The following MYLK variants were observed in gnomAD, a reference collection of about 807,000 sequenced individuals.
MYLK encodes the protein myosin light chain kinase, smooth muscle.
MYLK carries 106 observed loss-of-function variants against 203.4 expected under a neutral mutation model. The ratio of observed to expected loss-of-function variants is 0.52; its 90% confidence interval spans 0.45 to 0.61. The LOEUF is 0.61. Among genes scored for constraint, MYLK ranks in the 20% least tolerant of loss-of-function variants. The pLI, the probability that MYLK is intolerant of heterozygous loss-of-function variation, is 0.00. For missense variants in MYLK, 2,072 were observed against 2,442.3 expected, an observed-to-expected ratio of 0.85 and a Z score of 3.20; for synonymous variants, 867 against 959.5, an observed-to-expected ratio of 0.90 and a Z score of 1.78.
At chr3:123,827,700 T>C (rs2066170732) in intron 3 of MYLK, among the ~76,000 whole-genome samples, 1 of 10,690 alleles carries the variant, frequency 9.4e-5, no homozygotes, top group Non-Finnish European at 1.6e-4. Context: ...ACACCATATA[T>C]ATATATATAT....
At chr3:123,668,847 C>T (rs1489779159) in intron 20 of MYLK, among the ~76,000 whole-genome samples, 2 of 152,150 alleles carry the variant, frequency 1.3e-5, no homozygotes, top group African/African-American at 2.4e-5. Flanking sequence ...TACTGTCTGC[C>T]CTTCTCCTCC....
intron 23 of MYLK, among the ~76,000 whole-genome samples, chr3:123,663,643 G>A (rs1418280221): frequency 6.6e-6 from 1 of 152,114 alleles, no homozygotes; most frequent in Non-Finnish European, 1.5e-5. Flanking sequence ...AGGACCTGGG[G>A]TCCAGAGCAC....
intron 19 of MYLK, among the ~76,000 whole-genome samples, chr3:123,686,773 G>A (rs1301282406): frequency 6.6e-6 from 1 of 152,120 alleles, no homozygotes; most frequent in East Asian, 1.9e-4. Flanking sequence ...ACATTTACTG[G>A]GTATTGACTC....
At chr3:123,684,251 C>T (rs954352989) in intron 19 of MYLK, among the ~76,000 whole-genome samples, 23 of 152,168 alleles carry the variant, frequency 1.5e-4, no homozygotes, top group African/African-American at 5.1e-4. Context: ...GGTCTGGGCA[C>T]GATATGATCC....
Position 123,726,060 on chromosome 3 carries a change from A to G in MYLK, c.1535T>C (p.Val512Ala). 3.1e-6 allele frequency: 5 copies of G among 1,614,082 alleles called. No homozygotes were observed. The South Asian group carries it at 4.4e-5, about 14-fold the overall frequency. Residue 512 changes from valine (V) to alanine (A), a missense_variant, in exon 12 of 34, where the codon GTG (valine) becomes GCG (alanine). Physicochemically the swap from Val to Ala is moderately conservative, Grantham distance 64. Around this residue, in one of 3 missense-constraint regions of MYLK, gnomAD observed 683 missense variants for 643.8 expected, o/e 1.06. Coordinates refer to ENST00000360304, the MANE Select transcript of MYLK (RefSeq NM_053025.4). ...CAGGACACTGGAGAAGGAGGGGGCCACCTCCATCACGGCAAGCCCTGTGAG... is the reference window on the plus strand; with the variant it reads ...CAGGACACTGGAGAAGGAGGGGGCCGCCTCCATCACGGCAAGCCCTGTGAG... ...LQVERLAVME[V>A]APSFSSVLKD...
At chr3:123,647,871 G>T (rs1283480423) in intron 26 of MYLK, among the ~76,000 whole-genome samples, 1 of 152,074 alleles carries the variant, frequency 6.6e-6, no homozygotes, top group Non-Finnish European at 1.5e-5. Context: ...CATTTCTAAT[G>T]TTGACAAGCC....
In MYLK at chr3:123,881,836, C is replaced by A. The variant is rs190873825; in HGVS notation, c.-186+2370G>T. 1.2e-3 allele frequency among the ~76,000 whole-genome samples: 190 copies of A among 152,292 alleles called. 1 individual carries two copies. Among genetic ancestry groups the A allele is most frequent in the Admixed American group, 3.3e-3 (50 of 15,296 alleles). ...GATCTCCCTAGCCAGAGACCCAGAA[C>A]CTTTCCCCACCCTTGGAACTCAAAG... On this transcript the variant is annotated intron_variant, in intron 1 of 33. Transcript: ENST00000360304.
In MYLK at chr3:123,680,441, G is replaced by A. The variant is rs546456533; in HGVS notation, c.3652+1783C>T. Among the ~76,000 whole-genome samples, 11 of 152,232 alleles carry A rather than the reference G, an allele frequency of 7.2e-5. No individual in the cohort carries two copies. The East Asian group carries it at 7.7e-4, about 11-fold the overall frequency. On this transcript the variant is annotated intron_variant, in intron 20 of 33. Coordinates refer to ENST00000360304, the MANE Select transcript of MYLK (RefSeq NM_053025.4). ...TACATTCTCTATCTCTTCTGCTCAC[G>A]GTTTTCCATACCAAGTATAGCACAG...
chr3:123,737,591 C>G (rs2062722627), intron 7 of MYLK, 48 bp from the exon 8 acceptor site: 2 of 1,610,614 alleles, frequency 1.2e-6, no homozygotes, highest in African/African-American at 1.3e-5. Context: ...TGCTCACCTT[C>G]TGGCTGTGTC....
chr3:123,732,898 T>C lies in MYLK; in HGVS notation c.1514A>G (p.Glu505Gly). 6.2e-7 allele frequency: 1 copy of C among 1,613,914 alleles called. No homozygotes were observed. Among genetic ancestry groups the C allele is most frequent in the Non-Finnish European group, 8.5e-7 (1 of 1,179,952 alleles). ...QLSCSWTLQV[E>G]RLAVMEVAPS... ...GTGACCTGGAGAAGTGTACTCACTTTCCACTTGGAGGGTCCAGCTACAGGA... is the reference window on the plus strand; with the variant it reads ...GTGACCTGGAGAAGTGTACTCACTTCCCACTTGGAGGGTCCAGCTACAGGA... Residue 505 changes from glutamate (E) to glycine (G), a missense_variant and splice_region_variant, in exon 11 of 34, where the codon GAA (glutamate) becomes GGA (glycine). Glu to Gly is a moderately conservative substitution (Grantham distance 98). Around this residue, in one of 3 missense-constraint regions of MYLK, gnomAD observed 683 missense variants for 643.8 expected, o/e 1.06. Transcript: ENST00000360304.
At chr3:123,690,080 A>C (rs2108505712) in intron 19 of MYLK, among the ~76,000 whole-genome samples, 1 of 152,330 alleles carries the variant, frequency 6.6e-6, no homozygotes, top group South Asian at 2.1e-4. Flanking sequence ...TTCAGGGGCC[A>C]GGCCAGCCCT....
Position 123,709,770 on chromosome 3 carries a change from G to A in MYLK, c.1928C>T (p.Thr643Ile), listed in dbSNP as rs1276500410. The change falls in exon 14 of 34, where the codon ACT becomes ATT. Residue 643 changes from threonine to isoleucine, a missense_variant. Thr to Ile is a moderately conservative substitution (Grantham distance 89). Coordinates refer to ENST00000360304, the MANE Select transcript of MYLK (RefSeq NM_053025.4). ...CAGAGACAGACCTGACACTTGGACA[G>A]TCATAGTGACCTGGCTTCCATCCAT... ...KVMDGSQVTM[T>I]VQVSGNPPPE... 2.5e-6 allele frequency: 4 copies of A among 1,613,926 alleles called. No individual in the cohort carries two copies. Among genetic ancestry groups the A allele is most frequent in the Non-Finnish European group, 3.4e-6 (4 of 1,179,970 alleles).
chr3:123,701,908 GCCTGCC>G (rs1222502501), intron 16 of MYLK, among the ~76,000 whole-genome samples: 2 of 152,324 alleles, frequency 1.3e-5, no homozygotes, highest in East Asian at 3.9e-4. Context: ...CTGGTGGTGG[GCCTGCC>G]CAGTGACCTT....
At chr3:123,656,333 C>T (rs2059387567) in intron 24 of MYLK, among the ~76,000 whole-genome samples, 1 of 152,204 alleles carries the variant, frequency 6.6e-6, no homozygotes, top group Non-Finnish European at 1.5e-5. Context: ...AAAACCAGCT[C>T]TAATCGTCTC....
At position 123,748,177 on chromosome 3, in the gene MYLK, G is replaced by A. The variant is rs146790752; in HGVS notation, c.373+4154C>T. 1.2e-4 allele frequency among the ~76,000 whole-genome samples: 19 copies of A among 152,312 alleles called. No homozygotes were observed. The East Asian group carries it at 3.7e-3, about 29-fold the overall frequency. On this transcript the variant is annotated intron_variant, in intron 5 of 33. Transcript: ENST00000360304. Reference sequence around the variant, plus strand: ...AGCAGAAATGTCAGATGACGAGAGGGAGAAAGAGAGAGAAGGGAGAGGTCC... The same window carrying A: ...AGCAGAAATGTCAGATGACGAGAGGAAGAAAGAGAGAGAAGGGAGAGGTCC...
chr3:123,825,013 T>G (rs946927803), intron 3 of MYLK, among the ~76,000 whole-genome samples: 3 of 151,908 alleles, frequency 2.0e-5, no homozygotes, highest in Non-Finnish European at 4.4e-5. Context: ...GATATGGTGG[T>G]GTGTGCCTAT....
chr3:123,831,433 G>A, intron 3 of MYLK, 115 bp downstream of exon 3: 1 of 1,289,296 alleles, frequency 7.8e-7, no homozygotes, highest in Middle Eastern at 2.1e-4. Flanking sequence ...CTCACCTTGG[G>A]GGCAGCAGTC....
At chr3:123,664,065 C>T in intron 23 of MYLK, 40 bp downstream of exon 23, 1 of 1,613,206 alleles carries the variant, frequency 6.2e-7, no homozygotes, top group Non-Finnish European at 8.5e-7. Flanking sequence ...CCTGCCTTCC[C>T]CTTGCCCCAA....
At chr3:123,820,748 A>G (rs2065907980) in intron 3 of MYLK, among the ~76,000 whole-genome samples, 1 of 148,138 alleles carries the variant, frequency 6.8e-6, no homozygotes, top group Admixed American at 6.8e-5. Context: ...CTTTCTGACG[A>G]AGTCTGACTC....
Sources: allele counts gnomAD v4.1 joint callset (sites outside exome capture counted in the v4.1 genomes callset), GRCh38; gene constraint gnomAD v4.1.1; regional missense constraint gnomAD v4.1.1; transcripts MANE v1.5; gene names NCBI Gene and HGNC (gene_info 2026-07-23, HGNC 2026-07-21).